AQR: variants seen among roughly 807,000 people sequenced by gnomAD.
AQR encodes the protein RNA helicase aquarius.
A neutral mutation model predicts 180.5 loss-of-function variants in AQR; 61 were observed. The observed-to-expected ratio is 0.34, with a 90% CI of 0.28 to 0.42. The LOEUF (loss-of-function observed/expected upper bound fraction) is 0.42. Ranked by LOEUF, AQR falls within the 10% of genes least tolerant of loss-of-function variation. AQR has a pLI of 1.00. For missense variants in AQR, 1,281 were observed against 1,798.3 expected, an observed-to-expected ratio of 0.71 and a Z score of 5.20; for synonymous variants, 551 against 588.8, an observed-to-expected ratio of 0.94 and a Z score of 0.93.
rs1178401723 is a variant in AQR, at chr15:34,856,075, C to T, written c.*717G>A. 1 of 152,788 alleles carries T rather than the reference C, an allele frequency of 6.5e-6. No individual in the cohort carries two copies. Among genetic ancestry groups the T allele is most frequent in the East Asian group, 1.9e-4 (1 of 5,208 alleles). The allele number at this position is 152,788 out of a possible 1,614,324, so 9.5% of individuals were successfully genotyped here. A position where few individuals can be genotyped will look rare whatever the true frequency, so the allele number is the denominator to read the frequency against. On this transcript the variant is annotated 3_prime_UTR_variant, in exon 35 of 35. Coordinates refer to ENST00000156471, the MANE Select transcript of AQR (RefSeq NM_014691.3). ...CCTCCTATTTAGCTGATGACAAATC[C>T]TGGCTCAGCCTAACCAGCCTTGGCT...
chr15:34,951,906 C>T lies in AQR; in HGVS notation c.209+979G>A, dbSNP rs1178163140. On this transcript the variant is annotated intron_variant, in intron 4 of 34. Transcript: ENST00000156471. ...CAGTTTCTAGCCTCAGTTTTCTCCCCTACAAAATAAGGAAGATCTTACTGG... is the reference window on the plus strand; with the variant it reads ...CAGTTTCTAGCCTCAGTTTTCTCCCTTACAAAATAAGGAAGATCTTACTGG... 7.9e-5 allele frequency among the ~76,000 whole-genome samples: 12 copies of T among 152,162 alleles called. No individual in the cohort carries two copies. In the East Asian group the frequency reaches 2.3e-3, roughly 29 times the overall value.
At chr15:34,879,027 C>G (rs1281650142) in intron 27 of AQR, among the ~76,000 whole-genome samples, 3 of 126,632 alleles carry the variant, frequency 2.4e-5, no homozygotes, top group Non-Finnish European at 5.1e-5. Flanking sequence ...GGCTCTGTCT[C>G]AAAAAAAAAA....
At chr15:34,958,832 CAT>C (rs978854699) in intron 3 of AQR, among the ~76,000 whole-genome samples, 6 of 152,080 alleles carry the variant, frequency 3.9e-5, no homozygotes, top group Admixed American at 6.6e-5. Flanking sequence ...ACCTTCAGAC[CAT>C]ATGTTACAAA....
intron 6 of AQR, among the ~76,000 whole-genome samples, chr15:34,943,829 C>G (rs1297510350): frequency 2.6e-5 from 4 of 152,168 alleles, no homozygotes; most frequent in African/African-American, 9.7e-5. Context: ...TACACTTGGC[C>G]TTTATCAGTC....
chr15:34,898,589 G>T (rs1893282136), intron 20 of AQR, among the ~76,000 whole-genome samples: 1 of 152,190 alleles, frequency 6.6e-6, no homozygotes, highest in Non-Finnish European at 1.5e-5. Flanking sequence ...AATGGCACAT[G>T]AAAAAACTAT....
At position 34,856,430 on chromosome 15, in the gene AQR, G is replaced by A. The variant is rs1892586525; in HGVS notation, c.*362C>T. 5.0e-6 allele frequency: 2 copies of A among 398,050 alleles called. No individual in the cohort carries two copies. The highest frequency in any genetic ancestry group is 7.2e-5 in the East Asian group (2 of 27,936). The allele number at this position is 398,050 out of a possible 1,614,324, so 24.7% of individuals were successfully genotyped here. On this transcript the variant is annotated 3_prime_UTR_variant, in exon 35 of 35. Transcript: ENST00000156471. ...TTCCTTCCCAATTTGGACACTCAAG[G>A]GTATTCGTGGTTAAGTCCAGTATAT...
At chr15:34,896,495 T>A (rs931288879) in intron 22 of AQR, among the ~76,000 whole-genome samples, 2 of 146,916 alleles carry the variant, frequency 1.4e-5, no homozygotes, top group South Asian at 4.3e-4. Flanking sequence ...GTACTTGAAA[T>A]AGAACGCATT....
At chr15:34,917,610 A>G (rs1893614640) in intron 15 of AQR, among the ~76,000 whole-genome samples, 1 of 152,168 alleles carries the variant, frequency 6.6e-6, no homozygotes, top group Non-Finnish European at 1.5e-5. Flanking sequence ...AGCCTTTGAA[A>G]AACAAAAGCT....
rs548847817 is a variant in AQR, at chr15:34,882,036, C to T, written c.3165+466G>A. Among the ~76,000 whole-genome samples the T allele has an allele frequency of 9.9e-5, 15 of 152,218 alleles. No individual in the cohort carries two copies. The South Asian group carries it at 2.9e-3, about 30-fold the overall frequency. On this transcript the variant is annotated intron_variant, in intron 27 of 34. Coordinates refer to ENST00000156471, the MANE Select transcript of AQR (RefSeq NM_014691.3). The stretch of plus-strand genomic sequence containing the variant: ...GGCCAGGCTGGTCTCAAACTCCTGA[C>T]CTCAAGTGATCTGCCCACCTTGGCC...
chr15:34,956,758 T>C (rs1019690947), intron 3 of AQR, among the ~76,000 whole-genome samples: 1 of 138,338 alleles, frequency 7.2e-6, no homozygotes. Context: ...TGCCTCTAAA[T>C]ACTGGGAAAC....
intron 3 of AQR, among the ~76,000 whole-genome samples, chr15:34,957,776 TAAAACATAAA>T (rs1300063006): frequency 7.4e-6 from 1 of 135,378 alleles, no homozygotes; most frequent in Non-Finnish European, 1.7e-5. Context: ...TGAAAAAACA[TAAAACATAAA>T]AAAACATAAA....
chr15:34,928,802 C>T (rs1893805314), intron 12 of AQR, among the ~76,000 whole-genome samples: 1 of 152,188 alleles, frequency 6.6e-6, no homozygotes, highest in Non-Finnish European at 1.5e-5. Flanking sequence ...TACACTCCCA[C>T]CAACAATGTA....
In AQR at chr15:34,915,026, C is replaced by T; in HGVS notation, c.1484+12G>A. On this transcript the variant is annotated intron_variant, in intron 16 of 34. Coordinates refer to ENST00000156471, the MANE Select transcript of AQR (RefSeq NM_014691.3). ...TGCATCTCTTCATTACAGGTGGAAC[C>T]AATTTACTAACCATGGCTTCATTCT... 6.3e-7 allele frequency: 1 copy of T among 1,593,152 alleles called. No individual in the cohort carries two copies. The highest frequency in any genetic ancestry group is 8.5e-7 in the Non-Finnish European group (1 of 1,173,660).
chr15:34,920,257 G>T, intron 14 of AQR, 75 bp downstream of exon 14: 2 of 1,042,602 alleles, frequency 1.9e-6, no homozygotes, highest in Non-Finnish European at 2.8e-6. Context: ...AAATCTATAT[G>T]AACCTACATC....
intron 19 of AQR, among the ~76,000 whole-genome samples, chr15:34,902,138 G>C (rs771487697): frequency 1.3e-5 from 2 of 152,130 alleles, no homozygotes; most frequent in Non-Finnish European, 2.9e-5. Flanking sequence ...TAAAAGATTT[G>C]TGAAGGAGCT....
rs534978848 is a variant in AQR at position 34,919,032 on chromosome 15, A to G, written c.1222-654T>C. On this transcript the variant is annotated intron_variant, in intron 14 of 34. Transcript: ENST00000156471. ...AGCAGGTGGATCACCTGAGGTGAGG[A>G]GTTCAAGACTAGCCTGACCAACATG... Among the ~76,000 whole-genome samples the G allele has an allele frequency of 3.4e-4, 52 of 152,302 alleles. 1 individual carries two copies. Among genetic ancestry groups the G allele is most frequent in the Non-Finnish European group, 6.2e-4 (42 of 68,028 alleles).
chr15:34,943,386 A>C, intron 6 of AQR: 1 of 1,343,384 alleles, frequency 7.4e-7, no homozygotes, highest in Non-Finnish European at 1.1e-6. Context: ...GGGCCAAGTG[A>C]TTCAGTTCTA....
chr15:34,863,266 T>A, intron 32 of AQR: 1 of 439,600 alleles, frequency 2.3e-6, no homozygotes, highest in East Asian at 3.6e-5. Context: ...AAGGGGAGGA[T>A]CACAAAATAA....
chr15:34,878,377 C>G (rs1892916740), intron 27 of AQR, among the ~76,000 whole-genome samples: 2 of 113,378 alleles, frequency 1.8e-5, no homozygotes, highest in South Asian at 6.1e-4. Flanking sequence ...AAGAATGAGA[C>G]TCTGTCTCAA....
Sources: allele counts gnomAD v4.1 joint callset (sites outside exome capture counted in the v4.1 genomes callset), GRCh38; gene constraint gnomAD v4.1.1; transcripts MANE v1.5; gene names NCBI Gene and HGNC (gene_info 2026-07-23, HGNC 2026-07-21).